XPO4: variants seen among roughly 807,000 people sequenced by gnomAD.
XPO4 encodes the protein exportin-4.
In XPO4, 39 loss-of-function variants were observed where a neutral mutation model predicts 143.0. The ratio of observed to expected loss-of-function variants is 0.27; its 90% CI spans 0.21 to 0.36. The LOEUF is 0.36. XPO4 is among the 10% of genes least tolerant of loss of function. XPO4 has a pLI of 1.00. For missense variants in XPO4, 907 were observed against 1,348.0 expected, an observed-to-expected ratio of 0.67 and a Z score of 5.12; for synonymous variants, 439 against 474.0, an observed-to-expected ratio of 0.93 and a Z score of 0.96.
intron 3 of XPO4, among the ~76,000 whole-genome samples, chr13:20,858,695 C>A (rs2138110481): frequency 6.6e-6 from 1 of 151,858 alleles, no homozygotes; most frequent in East Asian, 2.0e-4. Flanking sequence ...AATGGTGAAA[C>A]CCCGTCTCTA....
chr13:20,852,324 AG>A (rs753518011), intron 4 of XPO4: 476 of 985,334 alleles, frequency 4.8e-4, no homozygotes, highest in Non-Finnish European at 5.6e-4. Context: ...AACTTGATTC[AG>A]GGCATTGGGG....
chr13:20,820,275 T>C (rs892263154), intron 9 of XPO4, among the ~76,000 whole-genome samples: 12 of 152,260 alleles, frequency 7.9e-5, no homozygotes, highest in African/African-American at 2.6e-4. Flanking sequence ...GAAGGAAAAA[T>C]TGTCAAGATG....
chr13:20,855,462 A>G (rs772044278), intron 4 of XPO4, among the ~76,000 whole-genome samples, 165 bp downstream of exon 4: 13 of 73,340 alleles, frequency 1.8e-4, no homozygotes, highest in South Asian at 7.7e-4. Flanking sequence ...GTCACAAGGG[A>G]AAAAAAAAAA....
At chr13:20,843,976 C>G in intron 4 of XPO4, 90 bp from the exon 5 acceptor site, 1 of 952,228 alleles carries the variant, frequency 1.1e-6, no homozygotes, top group Non-Finnish European at 1.7e-6. Flanking sequence ...AGAACATTTT[C>G]TCCCTAACTT....
chr13:20,851,154 T>C, intron 4 of XPO4: 1 of 985,364 alleles, frequency 1.0e-6, no homozygotes, highest in Non-Finnish European at 1.2e-6. Context: ...TTCTTAACAG[T>C]CCAAGAAGAA....
chr13:20,833,132 A>G (rs1849010699), intron 6 of XPO4, among the ~76,000 whole-genome samples: 1 of 152,166 alleles, frequency 6.6e-6, no homozygotes, highest in South Asian at 2.1e-4. Context: ...TAGCCGAACT[A>G]TATTTATAGT....
chr13:20,791,253 T>C (rs1246550127), intron 18 of XPO4, among the ~76,000 whole-genome samples: 3 of 152,152 alleles, frequency 2.0e-5, no homozygotes, highest in Admixed American at 1.3e-4. Flanking sequence ...TTTAAAAAGA[T>C]ACTACTTCTG....
At chr13:20,876,859 G>C (rs1277228598) in intron 1 of XPO4, among the ~76,000 whole-genome samples, 1 of 152,162 alleles carries the variant, frequency 6.6e-6, no homozygotes, top group Non-Finnish European at 1.5e-5. Context: ...TGTGAAGAAA[G>C]AAAGAACAAA....
intron 1 of XPO4, among the ~76,000 whole-genome samples, chr13:20,891,638 G>A (rs1233367029): frequency 1.3e-5 from 2 of 151,934 alleles, no homozygotes; most frequent in East Asian, 1.9e-4. Context: ...TGAGGCAGGC[G>A]GACTGCCTGA....
At chr13:20,817,842 C>T (rs186692584) in intron 9 of XPO4, among the ~76,000 whole-genome samples, 31 of 152,310 alleles carry the variant, frequency 2.0e-4, no homozygotes, top group African/African-American at 7.0e-4. Context: ...ATTACCCAGG[C>T]TGGAGTGCAG....
At chr13:20,825,010 G>A (rs549135320) in intron 7 of XPO4, among the ~76,000 whole-genome samples, 3 of 152,282 alleles carry the variant, frequency 2.0e-5, no homozygotes, top group South Asian at 2.1e-4. Flanking sequence ...CAAAGAGAGA[G>A]CCACAGGAAA....
intron 1 of XPO4, among the ~76,000 whole-genome samples, chr13:20,894,207 T>A (rs2060546028): frequency 2.6e-5 from 4 of 152,202 alleles, no homozygotes; most frequent in Admixed American, 2.6e-4. Context: ...TGAAAAACCC[T>A]TCTCTAAAAT....
chr13:20,862,546 T>C (rs2060211194), intron 3 of XPO4, among the ~76,000 whole-genome samples, 171 bp downstream of exon 3: 1 of 152,146 alleles, frequency 6.6e-6, no homozygotes, highest in South Asian at 2.1e-4. Flanking sequence ...CAGACTGATC[T>C]CAAACTCCTG....
chr13:20,851,974 C>G (rs1012455680), intron 4 of XPO4: 26 of 985,120 alleles, frequency 2.6e-5, no homozygotes, highest in Non-Finnish European at 3.0e-5. Flanking sequence ...TCAAATTACC[C>G]AAGGGGAAAG....
intron 1 of XPO4, 184 bp downstream of exon 1, chr13:20,902,486 G>A: frequency 3.0e-6 from 3 of 985,408 alleles, no homozygotes; most frequent in Non-Finnish European, 3.6e-6. Flanking sequence ...CTGGAAGGAG[G>A]GGACGACGGC....
chr13:20,855,906 C>G, intron 3 of XPO4, 141 bp from the exon 4 acceptor site: 1 of 884,090 alleles, frequency 1.1e-6, no homozygotes, highest in Non-Finnish European at 1.6e-6. Context: ...GTACAGACTC[C>G]AAAGCCAGGA....
Position 20,783,929 on chromosome 13 carries a change from A to G in XPO4, c.3259-10T>C. 2 of 1,613,466 alleles carry G rather than the reference A, an allele frequency of 1.2e-6. No individual in the cohort carries two copies. The highest frequency in any genetic ancestry group is 1.7e-6 in the Non-Finnish European group (2 of 1,179,402). On this transcript the variant is annotated splice_polypyrimidine_tract_variant and intron_variant, in intron 22 of 22. Transcript: ENST00000255305. ...GTTCAGAATATTCAGCCTATTGAAGAGATAAAGTATACACAAGTATCCTCC... is the reference window on the plus strand; with the variant it reads ...GTTCAGAATATTCAGCCTATTGAAGGGATAAAGTATACACAAGTATCCTCC...
chr13:20,853,773 TAAA>T, intron 4 of XPO4, among the ~76,000 whole-genome samples: 1 of 152,178 alleles, frequency 6.6e-6, no homozygotes, highest in African/African-American at 2.4e-5. Flanking sequence ...AATTAAAATT[TAAA>T]AAATTAGAAA....
At chr13:20,849,111 C>G in intron 4 of XPO4, 1 of 985,398 alleles carries the variant, frequency 1.0e-6, no homozygotes, top group Non-Finnish European at 1.2e-6. Context: ...CTCCAGCTGA[C>G]AAAATAAAAT....
Sources: gnomAD v4.1 joint callset for allele counts (sites outside exome capture counted in the v4.1 genomes callset) on GRCh38, gnomAD v4.1.1 for gene constraint, MANE v1.5 for transcripts, NCBI Gene and HGNC (gene_info 2026-07-23, HGNC 2026-07-21) for gene names.